CREBBP: variants seen among roughly 807,000 people sequenced by gnomAD.
CREBBP encodes CREB binding lysine acetyltransferase, also known as CREB-binding protein.
CREBBP carries 19 observed loss-of-function variants against 265.0 expected under a neutral mutation model. The ratio of observed to expected loss-of-function variants is 0.07; its 90% CI spans 0.05 to 0.11. The LOEUF is 0.11. Ranked by LOEUF, CREBBP falls within the 10% of genes least tolerant of loss-of-function variation. The pLI, the probability that CREBBP is intolerant of heterozygous loss-of-function variation, is 1.00. For missense variants in CREBBP, 2,525 were observed against 3,219.0 expected, an observed-to-expected ratio of 0.78 and a Z score of 5.22; for synonymous variants, 1,457 against 1,223.7, an observed-to-expected ratio of 1.19 and a Z score of -3.98.
intron 1 of CREBBP, among the ~76,000 whole-genome samples, chr16:3,869,813 C>T (rs2055256817): frequency 6.6e-6 from 1 of 152,140 alleles, no homozygotes. Flanking sequence ...CCCTCTTCCT[C>T]CTGGGAAAGA....
At position 3,729,239 on chromosome 16, in the gene CREBBP, C is replaced by T. The variant is rs1326924137; in HGVS notation, c.5808G>A (p.Gly1936=). ...GGGCCGGCACCTGGCTGGTAGGCTTCCCTGTGGACACCGTGGTGGGGGGCT... is the reference window on the plus strand; with the variant it reads ...GGGCCGGCACCTGGCTGGTAGGCTTTCCTGTGGACACCGTGGTGGGGGGCT... The part of the protein sequence containing the change: ...RTQPPTTVST[G]KPTSQVPAPP... Residue 1936 remains glycine (G), a synonymous_variant, in exon 31 of 31, where the codon GGG becomes GGA. Transcript: ENST00000262367. 3 of 1,529,066 alleles carry T rather than the reference C, an allele frequency of 2.0e-6. No individual in the cohort carries two copies. Among genetic ancestry groups the T allele is most frequent in the African/African-American group, 2.7e-5 (2 of 72,738 alleles). 94.7% of individuals were successfully genotyped at this position (1,529,066 alleles called of 1,614,324 possible). A position where few individuals can be genotyped will look rare whatever the true frequency, so the allele number is the denominator to read the frequency against.
intron 2 of CREBBP, among the ~76,000 whole-genome samples, chr16:3,835,859 T>C (rs943832816): frequency 7.9e-5 from 12 of 151,676 alleles, no homozygotes; most frequent in Non-Finnish European, 1.8e-4. Flanking sequence ...GGATTACAGG[T>C]GTGAGCCACC....
chr16:3,812,416 T>A (rs2053956222), intron 2 of CREBBP, among the ~76,000 whole-genome samples: 1 of 152,058 alleles, frequency 6.6e-6, no homozygotes, highest in African/African-American at 2.4e-5. Flanking sequence ...TGACCTCAGG[T>A]GATCCGCCCA....
intron 16 of CREBBP, among the ~76,000 whole-genome samples, chr16:3,765,137 A>G (rs1466522402): frequency 2.0e-5 from 3 of 151,960 alleles, no homozygotes; most frequent in Non-Finnish European, 4.4e-5. Context: ...CCACGCCCGC[A>G]TAATTTTTTG....
In CREBBP at chr16:3,824,152, T is replaced by A. The variant is rs142760993; in HGVS notation, c.799-13373A>T. Among the ~76,000 whole-genome samples, 479 of 152,288 alleles carry A rather than the reference T, an allele frequency of 3.1e-3. 2 individuals carry two copies. Among genetic ancestry groups the A allele is most frequent in the African/African-American group, 9.8e-3 (407 of 41,578 alleles). On this transcript the variant is annotated intron_variant, in intron 2 of 30. Transcript: ENST00000262367. Reference sequence around the variant, plus strand: ...AACAGGTGCCACCAACATCGACTGCTAAATGGAGTTTCAAAAGGGAGAGGG... The same window carrying A: ...AACAGGTGCCACCAACATCGACTGCAAAATGGAGTTTCAAAAGGGAGAGGG...
In CREBBP at chr16:3,773,541, A is replaced by G. The variant is rs189580096; in HGVS notation, c.2463+210T>C. The G allele has an allele frequency of 1.0e-3, 589 of 589,030 alleles. 5 individuals are homozygous for G. In the African/African-American group the frequency reaches 0.01, roughly 10 times the overall value. 36.5% of individuals were successfully genotyped at this position (589,030 alleles called of 1,614,324 possible). ...ATTCTAAATCCATTCCCACTTTTGC[A>G]TATAGTTAACCCAGAAAGGATAAGA... On this transcript the variant is annotated intron_variant, in intron 13 of 30. Transcript: ENST00000262367.
chr16:3,860,469 C>G (rs2055050812), intron 1 of CREBBP, among the ~76,000 whole-genome samples: 1 of 152,140 alleles, frequency 6.6e-6, no homozygotes, highest in Admixed American at 6.5e-5. Context: ...CCTCCTGCCT[C>G]AGCCTCCCAA....
At chr16:3,746,365 C>A (rs985100698) in intron 21 of CREBBP, among the ~76,000 whole-genome samples, 1 of 151,978 alleles carries the variant, frequency 6.6e-6, no homozygotes, top group Non-Finnish European at 1.5e-5. Flanking sequence ...AAAAAACACA[C>A]ACACACAAAT....
intron 16 of CREBBP, among the ~76,000 whole-genome samples, chr16:3,765,604 C>T (rs1368948342): frequency 5.3e-5 from 8 of 152,156 alleles, no homozygotes; most frequent in African/African-American, 1.9e-4. Context: ...AAATCAAATG[C>T]TTTGGAAAAC....
intron 16 of CREBBP, among the ~76,000 whole-genome samples, chr16:3,766,522 ATTTTTCTC>A (rs2052856374): frequency 6.6e-6 from 1 of 151,218 alleles, no homozygotes; most frequent in African/African-American, 2.4e-5. Context: ...ATATTTAAAA[ATTTTTCTC>A]TTTTTTTTTT....
intron 2 of CREBBP, among the ~76,000 whole-genome samples, chr16:3,814,670 C>T (rs889385611): frequency 9.9e-5 from 15 of 152,120 alleles, no homozygotes; most frequent in Non-Finnish European, 2.2e-4. Context: ...GTGAAGGAAA[C>T]AGTCTCAACA....
chr16:3,733,393 G>T (rs907832734), intron 28 of CREBBP, among the ~76,000 whole-genome samples: 4 of 150,354 alleles, frequency 2.7e-5, no homozygotes, highest in Non-Finnish European at 5.9e-5. Flanking sequence ...CCACCCCACC[G>T]ACAAGCAGCC....
intron 23 of CREBBP, chr16:3,742,595 C>T (rs1391237294): frequency 6.6e-6 from 1 of 152,004 alleles, no homozygotes; most frequent in Non-Finnish European, 1.5e-5. Flanking sequence ...AAATTATTAT[C>T]TTACTTTTAT....
chr16:3,743,990 C>T (rs748161179), intron 23 of CREBBP, among the ~76,000 whole-genome samples: 10 of 151,940 alleles, frequency 6.6e-5, no homozygotes, highest in Non-Finnish European at 1.3e-4. Flanking sequence ...GCAGGAGAAT[C>T]GCTTGAACCC....
At chr16:3,818,313 T>TC (rs1488032927) in intron 2 of CREBBP, among the ~76,000 whole-genome samples, 9 of 145,470 alleles carry the variant, frequency 6.2e-5, no homozygotes, top group Non-Finnish European at 1.4e-4. Flanking sequence ...CTTTTTTTTT[T>TC]TTTTTTTTTT....
At chr16:3,848,007 A>G (rs910967546) in intron 2 of CREBBP, among the ~76,000 whole-genome samples, 18 of 152,042 alleles carry the variant, frequency 1.2e-4, no homozygotes, top group African/African-American at 4.3e-4. Context: ...CGTCTCTAAT[A>G]AAAATATAAA....
chr16:3,845,628 G>T (rs2054650695), intron 2 of CREBBP, among the ~76,000 whole-genome samples: 1 of 152,158 alleles, frequency 6.6e-6, no homozygotes, highest in African/African-American at 2.4e-5. Context: ...GCTCACGCCT[G>T]CAATCCCAGC....
chr16:3,854,880 G>A (rs371234845), intron 1 of CREBBP, among the ~76,000 whole-genome samples: 2 of 152,242 alleles, frequency 1.3e-5, no homozygotes, highest in South Asian at 2.1e-4. Context: ...ATTTAGGAGT[G>A]TGTACATGCA....
At position 3,729,307 on chromosome 16, in the gene CREBBP, C is replaced by G. The variant is rs760771706; in HGVS notation, c.5740G>C (p.Val1914Leu). Residue 1914 changes from valine to leucine, a missense_variant, in exon 31 of 31, where the codon GTG (valine) becomes CTG (leucine). By Grantham distance (32) the Val-to-Leu change is conservative. Coordinates refer to ENST00000262367, the MANE Select transcript of CREBBP (RefSeq NM_004380.3). ...GGGAAGCCAGCTGGTGACATGCTCACGGGTGAGGGTTGGGGCTGGGCAGGG... is the reference window on the plus strand; with the variant it reads ...GGGAAGCCAGCTGGTGACATGCTCAGGGGTGAGGGTTGGGGCTGGGCAGGG... ...QPPAQPQPSP[V>L]SMSPAGFPSV... 1 of 1,548,932 alleles carries G rather than the reference C, an allele frequency of 6.5e-7. No individual in the cohort carries two copies. Among genetic ancestry groups the G allele is most frequent in the Non-Finnish European group, 8.7e-7 (1 of 1,152,554 alleles).
Sources: allele counts gnomAD v4.1 joint callset (sites outside exome capture counted in the v4.1 genomes callset), GRCh38; gene constraint gnomAD v4.1.1; transcripts MANE v1.5; gene names NCBI Gene and HGNC (gene_info 2026-07-23, HGNC 2026-07-21).